ATG5: variants seen among roughly 807,000 people sequenced by gnomAD.
The protein encoded by ATG5 is autophagy protein 5.
A neutral mutation model predicts 36.5 loss-of-function variants in ATG5; 14 were observed. The observed-to-expected ratio is 0.38, with a 90% CI of 0.25 to 0.60. The LOEUF (loss-of-function observed/expected upper bound fraction) is 0.60. ATG5 is among the 20% of genes least tolerant of loss of function. The pLI, the probability that ATG5 is intolerant of heterozygous loss-of-function variation, is 0.60. For missense variants in ATG5, 195 were observed against 326.7 expected, an observed-to-expected ratio of 0.60 and a Z score of 3.11; for synonymous variants, 95 against 101.5, an observed-to-expected ratio of 0.94 and a Z score of 0.38.
intron 4 of ATG5, among the ~76,000 whole-genome samples, chr6:106,288,266 CCG>C (rs1780164179): frequency 6.6e-6 from 1 of 151,910 alleles, no homozygotes; most frequent in African/African-American, 2.4e-5. Flanking sequence ...CACTGCCCTG[CCG>C]CACAATTAAT....
intron 6 of ATG5, among the ~76,000 whole-genome samples, chr6:106,236,953 T>C (rs1777927206): frequency 6.6e-6 from 1 of 152,188 alleles, no homozygotes; most frequent in East Asian, 1.9e-4. Flanking sequence ...CATGTACATC[T>C]ATACACACAT....
intron 6 of ATG5, among the ~76,000 whole-genome samples, chr6:106,243,629 T>C (rs910452145): frequency 1.3e-5 from 2 of 150,828 alleles, no homozygotes; most frequent in Non-Finnish European, 3.0e-5. Context: ...TCAGGAGTTC[T>C]AGACCAGCCT....
At chr6:106,188,298 T>C (rs1422952490) in intron 7 of ATG5, among the ~76,000 whole-genome samples, 3 of 152,216 alleles carry the variant, frequency 2.0e-5, no homozygotes, top group African/African-American at 7.2e-5. Context: ...ACATTTCCGG[T>C]ATAATTCTCT....
intron 7 of ATG5, among the ~76,000 whole-genome samples, chr6:106,188,746 G>A (rs1256064031): frequency 1.3e-5 from 2 of 152,100 alleles, no homozygotes; most frequent in Non-Finnish European, 2.9e-5. Flanking sequence ...AGAAGCTGGG[G>A]CCACTTTTAA....
chr6:106,277,496 T>G lies in ATG5; in HGVS notation c.478+2165A>C, dbSNP rs553798528. 7.2e-5 allele frequency among the ~76,000 whole-genome samples: 11 copies of G among 152,314 alleles called. 1 individual carries two copies. The South Asian group carries it at 2.1e-3, about 29-fold the overall frequency. ...TCTTTAAAAAATTTTGTCAAAACAT[T>G]AAAAACTCTTACCGTTGGTTATAAA... On this transcript the variant is annotated intron_variant, in intron 5 of 7. Coordinates refer to ENST00000369076, the MANE Select transcript of ATG5 (RefSeq NM_004849.4).
chr6:106,320,525 C>T (rs1246277862), intron 1 of ATG5, among the ~76,000 whole-genome samples: 2 of 151,726 alleles, frequency 1.3e-5, no homozygotes, highest in African/African-American at 4.8e-5. Flanking sequence ...CCTGTCTTAA[C>T]ATCACACGTG....
intron 6 of ATG5, among the ~76,000 whole-genome samples, chr6:106,232,025 A>G (rs1777714763): frequency 6.6e-6 from 1 of 152,218 alleles, no homozygotes; most frequent in Non-Finnish European, 1.5e-5. Flanking sequence ...CCTCGTGTCA[A>G]GGGAATCACT....
chr6:106,272,604 G>A (rs928113916), intron 5 of ATG5, among the ~76,000 whole-genome samples: 1 of 152,136 alleles, frequency 6.6e-6, no homozygotes, highest in East Asian at 1.9e-4. Context: ...TAACAATTAC[G>A]TAAAAGTGAT....
At chr6:106,312,420 G>C (rs574726219) in intron 2 of ATG5, among the ~76,000 whole-genome samples, 1 of 152,198 alleles carries the variant, frequency 6.6e-6, no homozygotes, top group South Asian at 2.1e-4. Flanking sequence ...ACATCTAAGT[G>C]AGGATCTCCA....
intron 5 of ATG5, among the ~76,000 whole-genome samples, chr6:106,252,551 T>C (rs1364155714): frequency 6.6e-6 from 1 of 152,180 alleles, no homozygotes; most frequent in Non-Finnish European, 1.5e-5. Context: ...GTTACTCACA[T>C]GGACAAACTG....
At chr6:106,251,082 T>C (rs917637777) in intron 5 of ATG5, among the ~76,000 whole-genome samples, 2 of 152,260 alleles carry the variant, frequency 1.3e-5, no homozygotes, top group Non-Finnish European at 2.9e-5. Context: ...CCTGCTTGCA[T>C]AGGCACACTA....
chr6:106,316,353 T>A, intron 1 of ATG5, 87 bp from the exon 2 acceptor site: 1 of 479,946 alleles, frequency 2.1e-6, no homozygotes, highest in Non-Finnish European at 3.5e-6. Context: ...AAAAAATCCA[T>A]GCCATAAAGA....
intron 5 of ATG5, among the ~76,000 whole-genome samples, chr6:106,273,737 A>G (rs1429788548): frequency 6.6e-6 from 1 of 152,218 alleles, no homozygotes; most frequent in East Asian, 1.9e-4. Context: ...TTCTCAGTCT[A>G]CTTATTCTAC....
At chr6:106,217,529 C>T (rs933682994) in intron 6 of ATG5, 1 of 152,170 alleles carries the variant, frequency 6.6e-6, no homozygotes, top group Non-Finnish European at 1.5e-5. Flanking sequence ...GTTAGGGTAG[C>T]CAAGAACTCC....
At chr6:106,193,196 T>C (rs1361785306) in intron 7 of ATG5, among the ~76,000 whole-genome samples, 3 of 152,210 alleles carry the variant, frequency 2.0e-5, no homozygotes, top group Non-Finnish European at 4.4e-5. Context: ...AGGAGAGTGC[T>C]GTTTATCAGA....
At chr6:106,188,903 T>C (rs976787086) in intron 7 of ATG5, among the ~76,000 whole-genome samples, 9 of 152,224 alleles carry the variant, frequency 5.9e-5, no homozygotes, top group African/African-American at 2.2e-4. Context: ...CCGGCATTTA[T>C]GTATTTTGTT....
At chr6:106,211,535 C>A (rs1011382962) in intron 6 of ATG5, among the ~76,000 whole-genome samples, 9 of 152,312 alleles carry the variant, frequency 5.9e-5, no homozygotes, top group African/African-American at 2.2e-4. Context: ...ATGGCGAAAC[C>A]TCATCTCTAC....
chr6:106,267,587 C>T (rs528373941), intron 5 of ATG5, among the ~76,000 whole-genome samples: 2 of 152,308 alleles, frequency 1.3e-5, no homozygotes, highest in East Asian at 3.9e-4. Flanking sequence ...TGACTTCAAA[C>T]TATATTACAA....
chr6:106,207,196 G>A (rs1242047757), intron 6 of ATG5, among the ~76,000 whole-genome samples: 1 of 152,162 alleles, frequency 6.6e-6, no homozygotes, highest in African/African-American at 2.4e-5. Flanking sequence ...AACTGAGGTG[G>A]TAATGGCTGG....
Sources: gnomAD v4.1 joint callset for allele counts (sites outside exome capture counted in the v4.1 genomes callset) on GRCh38, gnomAD v4.1.1 for gene constraint, MANE v1.5 for transcripts, NCBI Gene and HGNC (gene_info 2026-07-23, HGNC 2026-07-21) for gene names.